Variants in UTRN observed in about 807,000 individuals in gnomAD.
UTRN encodes dystrophin-related protein 1.
A neutral mutation model predicts 463.9 loss-of-function variants in UTRN; 283 were observed. The observed-to-expected ratio is 0.61, with a 90% CI of 0.55 to 0.67. The LOEUF is 0.67. Among genes scored for constraint, UTRN ranks in the 30% least tolerant of loss-of-function variants. UTRN has a pLI of 0.00. For synonymous variants in UTRN, 1,442 were observed against 1,431.5 expected (o/e 1.01, Z -0.17); for missense variants, 3,922 against 4,084.3 (o/e 0.96, Z 1.08).
chr6:144,393,624 A>T lies in UTRN; in HGVS notation c.80-9499A>T, dbSNP rs574341857. 7.2e-5 allele frequency among the ~76,000 whole-genome samples: 11 copies of T among 152,288 alleles called. No homozygotes were observed. The East Asian group carries it at 1.9e-3, about 27-fold the overall frequency. On this transcript the variant is annotated intron_variant, in intron 2 of 74. Coordinates refer to ENST00000367545, the MANE Select transcript of UTRN (RefSeq NM_007124.3). The stretch of plus-strand genomic sequence containing the variant: ...GAATTCCAAGATGGCGGCCTGTGTC[A>T]TGACACGTCAGAGAAGGGTGTTGAA...
At chr6:144,782,172 G>A (rs962997014) in intron 61 of UTRN, 49 bp downstream of exon 61, 1 of 1,442,048 alleles carries the variant, frequency 6.9e-7, no homozygotes, top group Non-Finnish European at 9.3e-7. Flanking sequence ...AATGAAATAT[G>A]TTAATAGAAA....
intron 51 of UTRN, among the ~76,000 whole-genome samples, chr6:144,675,416 T>A (rs543047050): frequency 9.9e-5 from 15 of 152,240 alleles, no homozygotes; most frequent in Non-Finnish European, 1.5e-4. Context: ...TTTAGTGCTC[T>A]GGTTTTCTCG....
At chr6:144,649,598 A>G (rs1778604375) in intron 51 of UTRN, among the ~76,000 whole-genome samples, 2 of 152,194 alleles carry the variant, frequency 1.3e-5, no homozygotes. Flanking sequence ...TTAAAGAAAC[A>G]GGGAATGATA....
intron 65 of UTRN, among the ~76,000 whole-genome samples, chr6:144,815,755 G>A (rs756139512): frequency 3.9e-5 from 6 of 152,196 alleles, no homozygotes; most frequent in Non-Finnish European, 7.3e-5. Flanking sequence ...GGGTTTGAGG[G>A]TGTATCTGCC....
intron 60 of UTRN, among the ~76,000 whole-genome samples, chr6:144,777,130 G>A (rs1377556432): frequency 6.6e-6 from 1 of 152,168 alleles, no homozygotes; most frequent in African/African-American, 2.4e-5. Context: ...CTGGCACAGA[G>A]CAGGGGTTGC....
At chr6:144,796,749 T>C (rs972252791) in intron 63 of UTRN, among the ~76,000 whole-genome samples, 2 of 152,194 alleles carry the variant, frequency 1.3e-5, no homozygotes, top group Non-Finnish European at 2.9e-5. Flanking sequence ...GATTTATCAT[T>C]GCTAGGGAAA....
chr6:144,607,641 C>CT (rs1317932288), intron 51 of UTRN, among the ~76,000 whole-genome samples: 1 of 152,178 alleles, frequency 6.6e-6, no homozygotes, highest in African/African-American at 2.4e-5. Flanking sequence ...GGCTTGTACA[C>CT]TAGACTTCAT....
At chr6:144,821,740 T>G (rs1198852774) in intron 66 of UTRN, among the ~76,000 whole-genome samples, 1 of 152,116 alleles carries the variant, frequency 6.6e-6, no homozygotes, top group Non-Finnish European at 1.5e-5. Context: ...AGAAGTAATT[T>G]TAAGATACTA....
chr6:144,575,226 A>G (rs983249432), intron 50 of UTRN, among the ~76,000 whole-genome samples: 1 of 152,198 alleles, frequency 6.6e-6, no homozygotes, highest in Non-Finnish European at 1.5e-5. Flanking sequence ...TTTTAAAATG[A>G]TATGTTAAAA....
At chr6:144,451,617 G>T in intron 18 of UTRN, 124 bp downstream of exon 18, 1 of 1,181,330 alleles carries the variant, frequency 8.5e-7, no homozygotes. Flanking sequence ...GCAGAAGGTA[G>T]CTTTTAGTAC....
rs1562476147 is a variant in UTRN, at chr6:144,488,675, A to G, written c.3975A>G (p.Ala1325=). 1.9e-6 allele frequency: 3 copies of G among 1,612,204 alleles called. No homozygotes were observed. The highest frequency in any genetic ancestry group is 2.5e-6 in the Non-Finnish European group (3 of 1,178,922). ...NSRYEDLSHL[A]ESKQISLEKQ... is the part of the protein sequence containing the mutation. Reference sequence around the variant, plus strand: ...GATTCAATTTCTCCTTTGTGCAGGCAGAGAGCAAGCAGATTTCTTTGGAAA... The same window carrying G: ...GATTCAATTTCTCCTTTGTGCAGGCGGAGAGCAAGCAGATTTCTTTGGAAA... Residue 1325 remains alanine, a splice_region_variant and synonymous_variant, in exon 30 of 75, where the codon GCA becomes GCG. Transcript: ENST00000367545.
intron 2 of UTRN, among the ~76,000 whole-genome samples, chr6:144,400,540 A>T (rs1782850178): frequency 6.6e-6 from 1 of 152,174 alleles, no homozygotes; most frequent in Non-Finnish European, 1.5e-5. Flanking sequence ...TCAATCTCAT[A>T]ATTGAAAAGC....
At chr6:144,290,289 A>C (rs1562707703) in intron 1 of UTRN, among the ~76,000 whole-genome samples, 2 of 152,248 alleles carry the variant, frequency 1.3e-5, no homozygotes. Flanking sequence ...TTCTGAATTC[A>C]ATCAAAGATT....
chr6:144,406,273 A>G (rs1783385652), intron 3 of UTRN, among the ~76,000 whole-genome samples: 1 of 151,888 alleles, frequency 6.6e-6, no homozygotes, highest in Non-Finnish European at 1.5e-5. Flanking sequence ...CCTTGAATAC[A>G]TGGACCACTG....
intron 2 of UTRN, among the ~76,000 whole-genome samples, chr6:144,344,485 C>CAACG (rs1777405795): frequency 6.6e-6 from 1 of 152,198 alleles, no homozygotes; most frequent in East Asian, 1.9e-4. Context: ...GAGTAGAGAC[C>CAACG]AACGCTGTCT....
intron 52 of UTRN, among the ~76,000 whole-genome samples, chr6:144,692,177 A>T (rs1219304810): frequency 6.6e-6 from 1 of 152,200 alleles, no homozygotes; most frequent in African/African-American, 2.4e-5. Flanking sequence ...TTTTCTCAGG[A>T]TAATGGCCTC....
chr6:144,620,760 A>G (rs1295006493), intron 51 of UTRN, among the ~76,000 whole-genome samples: 1 of 152,100 alleles, frequency 6.6e-6, no homozygotes, highest in East Asian at 1.9e-4. Context: ...TGATATTACT[A>G]TGAGAATGAG....
At chr6:144,348,950 C>G (rs1183758778) in intron 2 of UTRN, among the ~76,000 whole-genome samples, 1 of 151,794 alleles carries the variant, frequency 6.6e-6, no homozygotes, top group East Asian at 1.9e-4. Flanking sequence ...AAAACAAAAA[C>G]AAAAGAAAAG....
rs564477963 is a variant in UTRN, at chr6:144,459,235, C to T, written c.2588C>T (p.Ser863Leu). Residue 863 changes from serine (S) to leucine (L), a missense_variant, in exon 21 of 75, where the codon TCG (serine) becomes TTG (leucine). Ser to Leu is a moderately radical substitution (Grantham distance 145). Around this residue, in one of 3 missense-constraint regions of UTRN, gnomAD observed 2,349 missense variants for 2,303.8 expected, o/e 1.02. Transcript: ENST00000367545. ...ATTGAAATGGCTCGTGCAAGCTGCTCGGCCCTGATGTCTCAGCCTTCTGCC... is the reference window on the plus strand; with the variant it reads ...ATTGAAATGGCTCGTGCAAGCTGCTTGGCCCTGATGTCTCAGCCTTCTGCC... ...PKIEMARASC[S>L]ALMSQPSAPD... 55 of 1,613,912 alleles carry T rather than the reference C, an allele frequency of 3.4e-5. No homozygotes were observed. The highest frequency in any genetic ancestry group is 1.6e-4 in the Middle Eastern group (1 of 6,082).
Sources: gnomAD v4.1 joint callset for allele counts (sites outside exome capture counted in the v4.1 genomes callset) on GRCh38, gnomAD v4.1.1 for gene constraint, gnomAD v4.1.1 regional missense constraint, MANE v1.5 for transcripts, NCBI Gene and HGNC (gene_info 2026-07-23, HGNC 2026-07-21) for gene names.